RECK: variants seen among roughly 807,000 people sequenced by gnomAD.
RECK encodes the protein reversion inducing cysteine rich protein with kazal motifs, also known as reversion-inducing cysteine-rich protein with Kazal motifs.
In RECK, 69 loss-of-function variants were observed where a neutral mutation model predicts 115.1. That is an observed-to-expected ratio of 0.60 (90% confidence interval 0.49 to 0.73). The LOEUF (loss-of-function observed/expected upper bound fraction) is 0.73, where lower values mean the gene tolerates loss of function less well. Among genes scored for constraint, RECK ranks in the 30% least tolerant of loss-of-function variants. RECK has a pLI of 0.00. For synonymous variants in RECK, 414 were observed against 419.7 expected (o/e 0.99, Z 0.17); for missense variants, 1,047 against 1,203.7 (o/e 0.87, Z 1.93).
At chr9:36,041,100 AG>A (rs1820847873) in intron 1 of RECK, among the ~76,000 whole-genome samples, 1 of 152,184 alleles carries the variant, frequency 6.6e-6, no homozygotes, top group African/African-American at 2.4e-5. Context: ...AAGCAAAAAT[AG>A]GGGCTTAAGT....
intron 6 of RECK, among the ~76,000 whole-genome samples, chr9:36,067,962 A>G (rs1588290906): frequency 6.6e-6 from 1 of 152,302 alleles, no homozygotes; most frequent in South Asian, 2.1e-4. Context: ...CACATGGCTT[A>G]TGCAGGAGGA....
chr9:36,105,354 CT>C (rs1823759108), intron 13 of RECK, 71 bp downstream of exon 13: 3 of 1,505,352 alleles, frequency 2.0e-6, no homozygotes, highest in Non-Finnish European at 2.7e-6. Flanking sequence ...AGCTATCTTT[CT>C]TTTTTTCAAT....
At chr9:36,045,575 G>A (rs377080381) in intron 1 of RECK, among the ~76,000 whole-genome samples, 16 of 151,126 alleles carry the variant, frequency 1.1e-4, no homozygotes, top group African/African-American at 3.7e-4. Flanking sequence ...GTTCTTTAGG[G>A]AGACATTAAT....
rs781208927 is a variant in RECK, at chr9:36,123,021, G to C, written c.2892G>C (p.Leu964Phe). 1.9e-6 allele frequency: 3 copies of C among 1,614,014 alleles called. No individual in the cohort carries two copies. The South Asian group carries it at 3.3e-5, about 18-fold the overall frequency. The change falls in exon 21 of 21, where the codon TTG becomes TTC. Residue 964 changes from leucine (L) to phenylalanine (F), a missense_variant. Physicochemically the swap from Leu to Phe is conservative, Grantham distance 22. Transcript: ENST00000377966. ...TTCCCCTCAGCTTGGGCCTTGCCTT[G>C]CACTTGCTCTGGACATATAACTGAC... ...LLLPLSLGLA[L>F]HLLWTYN
At chr9:36,059,723 G>A (rs58647668) in intron 3 of RECK, among the ~76,000 whole-genome samples, 1 of 152,168 alleles carries the variant, frequency 6.6e-6, no homozygotes, top group Non-Finnish European at 1.5e-5. Flanking sequence ...TCATGTGCCA[G>A]ACCAAGAAAG....
rs764861284 is a variant in RECK, at chr9:36,105,232, C to T, written c.1525C>T (p.Arg509Ter). 14 of 1,613,970 alleles carry T rather than the reference C, an allele frequency of 8.7e-6. No individual in the cohort carries two copies. Among genetic ancestry groups the T allele is most frequent in the Non-Finnish European group, 1.1e-5 (13 of 1,179,936 alleles). ...TGCCAATGAGCTCTGTGAAGTAAACCGAAAAGGATGTCCATCTGGAGATCC... is the reference window on the plus strand; with the variant it reads ...TGCCAATGAGCTCTGTGAAGTAAACTGAAAAGGATGTCCATCTGGAGATCC... ...CPANELCEVN[R>*]KGCPSGDPCL... Residue 509 changes from arginine to a stop codon, truncating the protein, a stop_gained, in exon 13 of 21, where the codon CGA (arginine) becomes TGA (stop). Coordinates refer to ENST00000377966, the MANE Select transcript of RECK (RefSeq NM_021111.3). LOFTEE classifies it high-confidence loss of function.
At chr9:36,043,695 A>G (rs894252747) in intron 1 of RECK, among the ~76,000 whole-genome samples, 2 of 152,180 alleles carry the variant, frequency 1.3e-5, no homozygotes, top group African/African-American at 4.8e-5. Context: ...TGATTTTTGT[A>G]TGACGTGAGA....
chr9:36,112,278 A>G (rs1250236682), intron 15 of RECK, 27 bp from the exon 16 acceptor site: 1 of 1,609,970 alleles, frequency 6.2e-7, no homozygotes, highest in African/African-American at 1.3e-5. Context: ...ACACATACAT[A>G]TTTTTGAGGC....
In RECK at chr9:36,094,311, T is replaced by C. The variant is rs927449573; in HGVS notation, c.1085+2968T>C. ...AAGTAAAATATATGATATATGACAGTAGCAAAAAGGATAAGAGAGAGGTAA... is the reference window on the plus strand; with the variant it reads ...AAGTAAAATATATGATATATGACAGCAGCAAAAAGGATAAGAGAGAGGTAA... On this transcript the variant is annotated intron_variant, in intron 10 of 20. Coordinates refer to ENST00000377966, the MANE Select transcript of RECK (RefSeq NM_021111.3). The surrounding 1 kb of genome is among the most constrained non-coding windows in gnomAD (Gnocchi z 4.1). Among the ~76,000 whole-genome samples, 1 of 152,010 alleles carries C rather than the reference T, an allele frequency of 6.6e-6. No individual in the cohort carries two copies. The highest frequency in any genetic ancestry group is 1.5e-5 in the Non-Finnish European group (1 of 67,960).
At position 36,036,952 on chromosome 9, in the gene RECK, A is replaced by C. The variant is rs967030886; in HGVS notation, c.-47A>C. 5.0e-5 allele frequency: 63 copies of C among 1,264,552 alleles called. No individual in the cohort carries two copies. The highest frequency in any genetic ancestry group is 5.9e-5 in the Non-Finnish European group (58 of 986,766). The allele number at this position is 1,264,552 out of a possible 1,614,324, so 78.3% of individuals were successfully genotyped here. A position where few individuals can be genotyped will look rare whatever the true frequency, so the allele number is the denominator to read the frequency against. ...GGTAGCGGCGGCAGCGGCTGCGGCC[A>C]AGCTGGGTCCGAGCATCCCGCGGCT... On this transcript the variant is annotated 5_prime_UTR_variant, in exon 1 of 21. Coordinates refer to ENST00000377966, the MANE Select transcript of RECK (RefSeq NM_021111.3).
chr9:36,077,827 G>A (rs1463997431), intron 6 of RECK, among the ~76,000 whole-genome samples: 1 of 152,030 alleles, frequency 6.6e-6, no homozygotes, highest in East Asian at 1.9e-4. Flanking sequence ...TTTCTGTAAG[G>A]GGCCAGACAG....
At chr9:36,095,926 A>AT (rs1554708268) in intron 10 of RECK, among the ~76,000 whole-genome samples, 1 of 147,544 alleles carries the variant, frequency 6.8e-6, no homozygotes, top group Non-Finnish European at 1.5e-5. Context: ...CAAAAAAAAA[A>AT]TTAGCCAGGC....
chr9:36,103,321 A>G (rs1823634994), intron 12 of RECK, among the ~76,000 whole-genome samples: 1 of 152,244 alleles, frequency 6.6e-6, no homozygotes, highest in Non-Finnish European at 1.5e-5. Flanking sequence ...CCAGAAACAA[A>G]TAGTCTAGGG....
intron 10 of RECK, 145 bp downstream of exon 10, chr9:36,091,488 G>A: frequency 3.2e-6 from 2 of 616,348 alleles, no homozygotes; most frequent in Non-Finnish European, 5.1e-6. Context: ...TATTCCATCT[G>A]GTAAGCCACC....
intron 10 of RECK, among the ~76,000 whole-genome samples, chr9:36,096,923 TAC>T (rs3070850): frequency 8.6e-5 from 13 of 150,492 alleles, no homozygotes; most frequent in Middle Eastern, 3.4e-3. Flanking sequence ...GGTGTGTGCA[TAC>T]ACACACACAC....
intron 18 of RECK, among the ~76,000 whole-genome samples, chr9:36,120,344 A>ATTTGC (rs1269882033): frequency 1.3e-5 from 2 of 152,184 alleles, no homozygotes; most frequent in Non-Finnish European, 2.9e-5. Context: ...TTTGCCCAGA[A>ATTTGC]TCACACAGTG....
intron 6 of RECK, among the ~76,000 whole-genome samples, chr9:36,068,129 C>T (rs142753579): frequency 1.4e-4 from 21 of 152,212 alleles, no homozygotes; most frequent in African/African-American, 4.8e-4. Flanking sequence ...TAACAAATAA[C>T]AAAACCAATA....
chr9:36,121,481 C>A, intron 19 of RECK, 52 bp from the exon 20 acceptor site: 1 of 1,546,108 alleles, frequency 6.5e-7, no homozygotes, highest in Non-Finnish European at 8.8e-7. Flanking sequence ...GGAGCTTAGG[C>A]AGTCATAGGA....
intron 20 of RECK, 28 bp from the exon 21 acceptor site, chr9:36,122,796 A>G: frequency 6.3e-7 from 1 of 1,591,814 alleles, no homozygotes; most frequent in Non-Finnish European, 8.6e-7. Flanking sequence ...GTGGTTTTAT[A>G]TTAAGGGAAC....
Sources: gnomAD v4.1 joint callset for allele counts (sites outside exome capture counted in the v4.1 genomes callset) on GRCh38, gnomAD v4.1.1 for gene constraint, Gnocchi (gnomAD v3.1) non-coding constraint, MANE v1.5 for transcripts, NCBI Gene and HGNC (gene_info 2026-07-23, HGNC 2026-07-21) for gene names.